Variants in DDX4 observed in about 807,000 individuals in gnomAD.
The protein encoded by DDX4 is probable ATP-dependent RNA helicase DDX4.
A neutral mutation model predicts 100.0 loss-of-function variants in DDX4; 25 were observed. That is an observed-to-expected ratio of 0.25 (90% CI 0.18 to 0.35). The LOEUF (loss-of-function observed/expected upper bound fraction) is 0.35, where lower values mean the gene tolerates loss of function less well. Among genes scored for constraint, DDX4 ranks in the 10% least tolerant of loss-of-function variants. DDX4 has a pLI of 1.00. For synonymous variants in DDX4, 259 were observed against 275.7 expected (o/e 0.94, Z 0.60); for missense variants, 635 against 882.4 (o/e 0.72, Z 3.55).
At chr5:55,740,193 A>C (rs1273641568) in intron 2 of DDX4, among the ~76,000 whole-genome samples, 3 of 152,162 alleles carry the variant, frequency 2.0e-5, no homozygotes, top group African/African-American at 7.2e-5. Context: ...TTTTTGATAC[A>C]GTGTCTTGCT....
chr5:55,767,852 G>A lies in DDX4; in HGVS notation c.335-29G>A, dbSNP rs765099488. On this transcript the variant is annotated intron_variant, in intron 6 of 21. Coordinates refer to ENST00000505374, the MANE Select transcript of DDX4 (RefSeq NM_024415.3). ...ATTGCATCATTTAAGTTAATTAAAT[G>A]CTATTTACATGTTAAATTTTTATTG... 1.9e-6 allele frequency: 3 copies of A among 1,566,330 alleles called. No individual in the cohort carries two copies. The South Asian group carries it at 3.4e-5, about 18-fold the overall frequency.
chr5:55,762,966 C>G (rs145879886), intron 4 of DDX4, among the ~76,000 whole-genome samples: 2 of 152,130 alleles, frequency 1.3e-5, no homozygotes, highest in East Asian at 3.9e-4. Flanking sequence ...CTGTGTTTCA[C>G]CGGTAGTAGA....
chr5:55,739,672 C>T lies in DDX4; in HGVS notation c.69+640C>T, dbSNP rs576671714. 3.3e-5 allele frequency among the ~76,000 whole-genome samples: 5 copies of T among 152,008 alleles called. No homozygotes were observed. In the East Asian group the frequency reaches 9.7e-4, roughly 29 times the overall value. On this transcript the variant is annotated intron_variant, in intron 2 of 21. Transcript: ENST00000505374. Reference sequence around the variant, plus strand: ...TCTCTACAAGTTGATTTTTTTGTTCCCCTTCAGAATTTCCAGTTTGAGTGT... The same window carrying T: ...TCTCTACAAGTTGATTTTTTTGTTCTCCTTCAGAATTTCCAGTTTGAGTGT...
intron 7 of DDX4, among the ~76,000 whole-genome samples, chr5:55,772,675 C>T (rs1741324162): frequency 6.6e-6 from 1 of 152,034 alleles, no homozygotes; most frequent in Non-Finnish European, 1.5e-5. Flanking sequence ...AGTGAGTTGC[C>T]TACTAGTTCC....
In DDX4 at chr5:55,781,052, T is replaced by C; in HGVS notation, c.497-14T>C. On this transcript the variant is annotated splice_polypyrimidine_tract_variant and intron_variant, in intron 8 of 21. Coordinates refer to ENST00000505374, the MANE Select transcript of DDX4 (RefSeq NM_024415.3). ...CAAAGTAATGTAATCTAATTTTACT[T>C]TCTGCAAATCAAGATAATGACTTAG... The C allele has an allele frequency of 6.3e-7, 1 of 1,589,984 alleles. No individual in the cohort carries two copies. Among genetic ancestry groups the C allele is most frequent in the Non-Finnish European group, 8.5e-7 (1 of 1,173,168 alleles).
intron 3 of DDX4, among the ~76,000 whole-genome samples, chr5:55,747,370 C>CT (rs1461861516): frequency 2.6e-5 from 4 of 152,086 alleles, no homozygotes; most frequent in Admixed American, 6.5e-5. Flanking sequence ...GAGTGAGACT[C>CT]TGTCTCAAAA....
At chr5:55,804,344 A>G (rs1352139761) in intron 18 of DDX4, among the ~76,000 whole-genome samples, 2 of 151,040 alleles carry the variant, frequency 1.3e-5, no homozygotes, top group African/African-American at 4.8e-5. Flanking sequence ...CCATTTGTCA[A>G]TTTTGGCTTT....
intron 9 of DDX4, among the ~76,000 whole-genome samples, chr5:55,781,608 C>G (rs13357071): frequency 0.062 from 9,457 of 151,970 alleles, 436 homozygotes; most frequent in African/African-American, 0.13. Flanking sequence ...AAAACCCTAT[C>G]TCTACTAAAA....
At chr5:55,801,897 G>T (rs1743338103) in intron 18 of DDX4, among the ~76,000 whole-genome samples, 1 of 152,172 alleles carries the variant, frequency 6.6e-6, no homozygotes, top group South Asian at 2.1e-4. Flanking sequence ...AAATTGGAGT[G>T]AATCTCACTC....
At chr5:55,763,980 T>A (rs1740731702) in intron 5 of DDX4, 34 bp from the exon 6 acceptor site, 1 of 1,480,324 alleles carries the variant, frequency 6.8e-7, no homozygotes, top group Non-Finnish European at 9.4e-7. Flanking sequence ...ACCACAGAGG[T>A]ACAGGAAATT....
At chr5:55,756,785 C>T (rs1314554697) in intron 3 of DDX4, among the ~76,000 whole-genome samples, 1 of 151,840 alleles carries the variant, frequency 6.6e-6, no homozygotes, top group Non-Finnish European at 1.5e-5. Context: ...ATTTTTATTT[C>T]TTTTGGTTTA....
intron 2 of DDX4, among the ~76,000 whole-genome samples, chr5:55,742,819 G>A (rs1759051801): frequency 6.6e-6 from 1 of 152,126 alleles, no homozygotes; most frequent in Non-Finnish European, 1.5e-5. Flanking sequence ...GAATAAGCGC[G>A]TTTGAGAACC....
Position 55,785,438 on chromosome 5 carries a change from C to T in DDX4, c.674-9C>T. 1 of 1,606,034 alleles carries T rather than the reference C, an allele frequency of 6.2e-7. No individual in the cohort carries two copies. The highest frequency in any genetic ancestry group is 8.5e-7 in the Non-Finnish European group (1 of 1,175,154). ...ACATGTATCTCTTTTTTATTTGATCCTCTTCAAGATTCTTGGAAGTCAGAA... is the reference window on the plus strand; with the variant it reads ...ACATGTATCTCTTTTTTATTTGATCTTCTTCAAGATTCTTGGAAGTCAGAA... On this transcript the variant is annotated splice_polypyrimidine_tract_variant and intron_variant, in intron 11 of 21. Transcript: ENST00000505374.
At chr5:55,773,806 T>A (rs991566498) in intron 7 of DDX4, among the ~76,000 whole-genome samples, 4 of 151,844 alleles carry the variant, frequency 2.6e-5, no homozygotes, top group African/African-American at 9.7e-5. Context: ...TGTATTTTTT[T>A]AGAGATGGGG....
intron 15 of DDX4, 96 bp from the exon 16 acceptor site, chr5:55,790,480 G>T (rs1561505597): frequency 2.3e-6 from 2 of 867,418 alleles, no homozygotes; most frequent in Admixed American, 2.3e-5. Flanking sequence ...TTGAATGTTT[G>T]TTTTTTTCTT....
intron 17 of DDX4, among the ~76,000 whole-genome samples, chr5:55,795,398 C>T (rs1742869850): frequency 6.6e-6 from 1 of 152,184 alleles, no homozygotes. Context: ...TGGTTATTGG[C>T]ATCATGATCT....
chr5:55,788,638 T>C (rs1305930740), intron 15 of DDX4, among the ~76,000 whole-genome samples: 1 of 152,208 alleles, frequency 6.6e-6, no homozygotes, highest in Non-Finnish European at 1.5e-5. Context: ...TCTTATTTCA[T>C]AATAAGAACT....
chr5:55,798,720 G>T, intron 18 of DDX4, 149 bp downstream of exon 18: 1 of 627,154 alleles, frequency 1.6e-6, no homozygotes, highest in Non-Finnish European at 2.4e-6. Context: ...AAAATTTTAT[G>T]ATTCAGTTTT....
At chr5:55,758,484 G>C (rs1490911370) in intron 3 of DDX4, among the ~76,000 whole-genome samples, 1 of 152,060 alleles carries the variant, frequency 6.6e-6, no homozygotes, top group Admixed American at 6.6e-5. Flanking sequence ...TGTCCTTTGA[G>C]AGTTTGGTAG....
Sources: allele counts gnomAD v4.1 joint callset (sites outside exome capture counted in the v4.1 genomes callset), GRCh38; gene constraint gnomAD v4.1.1; transcripts MANE v1.5; gene names NCBI Gene and HGNC (gene_info 2026-07-23, HGNC 2026-07-21).